Variants in FRK observed in about 807,000 individuals in gnomAD.
FRK encodes tyrosine-protein kinase FRK.
FRK carries 51 observed loss-of-function variants against 56.4 expected under a neutral mutation model. The observed-to-expected ratio is 0.90, with a 90% CI of 0.72 to 1.14. The LOEUF (loss-of-function observed/expected upper bound fraction) is 1.14. Ranked by LOEUF, FRK falls within the 50% of genes most tolerant of loss-of-function variation. FRK has a pLI of 0.00. For missense variants in FRK, 570 were observed against 601.4 expected (o/e 0.95, Z 0.55); for synonymous variants, 245 against 217.9 (o/e 1.12, Z -1.10).
intron 2 of FRK, among the ~76,000 whole-genome samples, chr6:115,981,066 G>A (rs2114636437): frequency 6.6e-6 from 1 of 152,214 alleles, no homozygotes; most frequent in South Asian, 2.1e-4. Context: ...ATAATCAAAT[G>A]ACACGGCACA....
At chr6:116,035,999 A>G (rs1412699773) in intron 1 of FRK, among the ~76,000 whole-genome samples, 1 of 151,970 alleles carries the variant, frequency 6.6e-6, no homozygotes, top group Admixed American at 6.6e-5. Context: ...CTCTTTCTCA[A>G]TCACCATTAC....
At chr6:116,068,180 G>A in the FRK span, among the ~76,000 whole-genome samples, 391 of 152,146 alleles carry the variant, frequency 2.6e-3, 11 homozygotes, top group South Asian at 0.044. Flanking sequence ...TATAATCAGA[G>A]GAAAACAATG....
chr6:116,063,242 G>A (rs577250669), upstream of FRK, among the ~76,000 whole-genome samples: 53 of 152,264 alleles, frequency 3.5e-4, no homozygotes, highest in Non-Finnish European at 6.2e-4. Context: ...CAGGAAGTCT[G>A]AGAGATATTG....
chr6:116,048,673 A>C (rs114934376), intron 1 of FRK, among the ~76,000 whole-genome samples: 2,105 of 152,268 alleles, frequency 0.014, 42 homozygotes, highest in African/African-American at 0.048. Flanking sequence ...GGCATGAGCC[A>C]CCATGCTGAG....
chr6:116,040,984 C>G (rs932708536), intron 1 of FRK, among the ~76,000 whole-genome samples: 1 of 151,984 alleles, frequency 6.6e-6, no homozygotes, highest in African/African-American at 2.4e-5. Context: ...CCTTAAGCAC[C>G]AAAATTTTCA....
At chr6:116,027,638 A>C (rs1411122941) in intron 1 of FRK, among the ~76,000 whole-genome samples, 3 of 152,180 alleles carry the variant, frequency 2.0e-5, no homozygotes, top group Admixed American at 1.3e-4. Flanking sequence ...AAATAGGATA[A>C]ATAAAAATAG....
the FRK span, among the ~76,000 whole-genome samples, chr6:116,099,434 G>C: frequency 6.6e-6 from 1 of 152,226 alleles, no homozygotes; most frequent in Non-Finnish European, 1.5e-5. Context: ...GCAAGGTGCA[G>C]AGGAGAATGC....
intron 2 of FRK, among the ~76,000 whole-genome samples, chr6:115,981,982 T>C (rs896979623): frequency 2.0e-5 from 3 of 152,124 alleles, no homozygotes; most frequent in South Asian, 2.1e-4. Flanking sequence ...TGGTTACTTT[T>C]ATGTGTCAAA....
At chr6:116,021,193 A>G (rs1775861652) in intron 1 of FRK, among the ~76,000 whole-genome samples, 1 of 151,934 alleles carries the variant, frequency 6.6e-6, no homozygotes, top group Non-Finnish European at 1.5e-5. Context: ...AATAAAAAAA[A>G]AAAAGACCAT....
intron 1 of FRK, chr6:116,039,629 C>T (rs1776635373): frequency 2.6e-6 from 2 of 758,068 alleles, no homozygotes; most frequent in East Asian, 2.5e-5. Flanking sequence ...CAAACTGTAC[C>T]TTCCTTTACT....
At chr6:116,027,182 T>C (rs1322438484) in intron 1 of FRK, among the ~76,000 whole-genome samples, 3 of 152,156 alleles carry the variant, frequency 2.0e-5, no homozygotes, top group Non-Finnish European at 4.4e-5. Flanking sequence ...CATCCAACAA[T>C]GTTCAAACTG....
At chr6:116,003,550 A>C (rs1582701949) in intron 2 of FRK, among the ~76,000 whole-genome samples, 1 of 152,254 alleles carries the variant, frequency 6.6e-6, no homozygotes, top group East Asian at 1.9e-4. Context: ...GATAATTTTG[A>C]CAACAGTAGA....
intron 5 of FRK, among the ~76,000 whole-genome samples, chr6:115,945,978 T>C (rs1403972786): frequency 6.6e-6 from 1 of 152,102 alleles, no homozygotes; most frequent in Non-Finnish European, 1.5e-5. Flanking sequence ...TTTATATTTG[T>C]ACACAAAATA....
intron 1 of FRK, among the ~76,000 whole-genome samples, chr6:116,035,499 T>C (rs1776443785): frequency 6.6e-6 from 1 of 152,014 alleles, no homozygotes; most frequent in Admixed American, 6.6e-5. Flanking sequence ...ATTCAGAAAC[T>C]CTCTACGTAA....
At chr6:116,027,056 A>G (rs1018652393) in intron 1 of FRK, among the ~76,000 whole-genome samples, 3 of 152,198 alleles carry the variant, frequency 2.0e-5, no homozygotes, top group African/African-American at 4.8e-5. Flanking sequence ...AAACTGTTAA[A>G]TGCATTAGGA....
chr6:116,011,221 C>T (rs1382255779), intron 1 of FRK, among the ~76,000 whole-genome samples: 1 of 152,116 alleles, frequency 6.6e-6, no homozygotes, highest in Non-Finnish European at 1.5e-5. Context: ...GTCATTTCAT[C>T]TAATAGAATC....
chr6:116,039,118 A>C, intron 1 of FRK: 2 of 841,414 alleles, frequency 2.4e-6, no homozygotes, highest in South Asian at 2.6e-5. Flanking sequence ...AGGGACTCAG[A>C]GTAATCGCTT....
At chr6:115,948,539 G>C (rs1273455059) in intron 5 of FRK, among the ~76,000 whole-genome samples, 1 of 152,170 alleles carries the variant, frequency 6.6e-6, no homozygotes, top group Admixed American at 6.5e-5. Flanking sequence ...TTTTCTTGTA[G>C]GTTTATCTTC....
intron 5 of FRK, among the ~76,000 whole-genome samples, chr6:115,951,916 T>C (rs1772769658): frequency 6.6e-6 from 1 of 152,222 alleles, no homozygotes; most frequent in Non-Finnish European, 1.5e-5. Context: ...TTTTCAATTA[T>C]ATTCCATTAC....
Sources: gnomAD v4.1 joint callset for allele counts (sites outside exome capture counted in the v4.1 genomes callset) on GRCh38, gnomAD v4.1.1 for gene constraint, MANE v1.5 for transcripts, NCBI Gene and HGNC (gene_info 2026-07-23, HGNC 2026-07-21) for gene names.